Variants in ABCC3 observed in about 807,000 individuals in gnomAD.
ABCC3 encodes the protein ATP binding cassette subfamily C member 3.
A neutral mutation model predicts 165.3 loss-of-function variants in ABCC3; 121 were observed. The observed-to-expected ratio is 0.73, with a 90% confidence interval of 0.63 to 0.85. ABCC3 has a LOEUF of 0.85. Ranked by LOEUF, ABCC3 falls within the 40% of genes least tolerant of loss-of-function variation. ABCC3 has a pLI of 0.00. For synonymous variants in ABCC3, 733 were observed against 810.1 expected (o/e 0.90, Z 1.62); for missense variants, 1,869 against 1,964.1 (o/e 0.95, Z 0.92).
chr17:50,684,751 C>T lies in ABCC3; in HGVS notation c.4156C>T (p.Pro1386Ser). The change falls in exon 29 of 31, where the codon CCC becomes TCC. Residue 1386 changes from proline to serine, a missense_variant. Physicochemically the swap from Pro to Ser is moderately conservative, Grantham distance 74. Coordinates refer to ENST00000285238, the MANE Select transcript of ABCC3 (RefSeq NM_003786.4). ...GGGGACCCTGCGCATGAACCTGGACCCCTTCGGCAGCTACTCAGAGGAGGA... is the reference window on the plus strand; with the variant it reads ...GGGGACCCTGCGCATGAACCTGGACTCCTTCGGCAGCTACTCAGAGGAGGA... Reference protein sequence around the residue: ...FSGTLRMNLDPFGSYSEEDIW... With the variant: ...FSGTLRMNLDSFGSYSEEDIW... The T allele has an allele frequency of 1.2e-6, 2 of 1,614,144 alleles. No individual in the cohort carries two copies. Among genetic ancestry groups the T allele is most frequent in the Non-Finnish European group, 1.7e-6 (2 of 1,180,014 alleles).
chr17:50,639,463 G>T (rs2146585278), intron 1 of ABCC3, among the ~76,000 whole-genome samples: 1 of 152,286 alleles, frequency 6.6e-6, no homozygotes, highest in African/African-American at 2.4e-5. Flanking sequence ...ACAGGGAAAT[G>T]GTCTTGAAAC....
chr17:50,673,899 G>GTTTT (rs540824487), intron 19 of ABCC3, among the ~76,000 whole-genome samples: 1 of 129,180 alleles, frequency 7.7e-6, no homozygotes, highest in Admixed American at 7.6e-5. Context: ...CTCAGAGCCT[G>GTTTT]TTTTCTTTCT....
chr17:50,646,060 A>T (rs994234523), intron 1 of ABCC3, among the ~76,000 whole-genome samples: 1 of 152,230 alleles, frequency 6.6e-6, no homozygotes, highest in Non-Finnish European at 1.5e-5. Flanking sequence ...TAAATCAGTA[A>T]ATTATATATC....
intron 26 of ABCC3, among the ~76,000 whole-genome samples, chr17:50,681,266 C>A (rs1435555038): frequency 6.6e-6 from 1 of 152,144 alleles, no homozygotes; most frequent in Non-Finnish European, 1.5e-5. Context: ...TGCCTGACAC[C>A]TCCATAAAAA....
Position 50,673,081 on chromosome 17 carries a change from T to C in ABCC3, c.2352T>C (p.His784=), listed in dbSNP as rs373747748. ...LDDPLSAVDS[H]VAKHIFDHVI... is the part of the protein sequence containing the mutation. ...ACCCACTGTCCGCGGTGGACTCTCA[T>C]GTGGCCAAGCACATCTTTGACCACG... is the stretch of plus-strand genomic sequence containing the variant. Residue 784 remains histidine, a synonymous_variant, in exon 18 of 31, where the codon CAT becomes CAC. Transcript: ENST00000285238. 50 of 1,613,976 alleles carry C rather than the reference T, an allele frequency of 3.1e-5. No homozygotes were observed. Among genetic ancestry groups the C allele is most frequent in the South Asian group, 1.9e-4 (17 of 91,082 alleles).
At chr17:50,643,626 ATC>A (rs1966931335) in intron 1 of ABCC3, 1 of 456,186 alleles carries the variant, frequency 2.2e-6, no homozygotes, top group Admixed American at 2.3e-5. Context: ...AGGGAAGGGG[ATC>A]TCTCTAGGAG....
intron 1 of ABCC3, among the ~76,000 whole-genome samples, chr17:50,653,789 C>T (rs1440130549): frequency 6.6e-6 from 1 of 151,412 alleles, no homozygotes; most frequent in Admixed American, 6.6e-5. Flanking sequence ...CCAGTAAAGG[C>T]TCAAAGAACT....
intron 1 of ABCC3, among the ~76,000 whole-genome samples, chr17:50,641,095 G>T (rs1032710902): frequency 2.6e-5 from 4 of 152,150 alleles, no homozygotes; most frequent in African/African-American, 9.7e-5. Flanking sequence ...GAGGGCTCCG[G>T]GGTCCTCACC....
Position 50,675,417 on chromosome 17 carries a change from C to G in ABCC3, c.2655C>G (p.Asn885Lys). 1.2e-6 allele frequency: 2 copies of G among 1,614,070 alleles called. No homozygotes were observed. Among genetic ancestry groups the G allele is most frequent in the Non-Finnish European group, 1.7e-6 (2 of 1,179,994 alleles). ...TGCTGATTGAAGACACACTCAGCAA[C>G]CACACGGATCTGACAGACAATGATC... ...EALLIEDTLS[N>K]HTDLTDNDPV... is the part of the protein sequence containing the mutation. Residue 885 changes from asparagine (N) to lysine (K), a missense_variant, in exon 20 of 31, where the codon AAC becomes AAG. By Grantham distance (94) the Asn-to-Lys change is moderately conservative. Transcript: ENST00000285238.
In ABCC3 at chr17:50,669,365, A is replaced by C; in HGVS notation, c.2078A>C (p.Tyr693Ser). 6.2e-7 allele frequency: 1 copy of C among 1,614,234 alleles called. No homozygotes were observed. The highest frequency in any genetic ancestry group is 8.5e-7 in the Non-Finnish European group (1 of 1,180,034). The change falls in exon 17 of 31, where the codon TAT becomes TCT. Residue 693 changes from tyrosine to serine, a missense_variant. By Grantham distance (144) the Tyr-to-Ser change is moderately radical. Transcript: ENST00000285238. ...GKVHMKGSVA[Y>S]VPQQAWIQNC... ...TCCTGTGGCCAGGGCTCCGTGGCCT[A>C]TGTGCCCCAGCAGGCATGGATCCAG... is the stretch of plus-strand genomic sequence containing the variant.
intron 6 of ABCC3, 86 bp from the exon 7 acceptor site, chr17:50,659,151 G>A (rs1202340703): frequency 6.6e-7 from 1 of 1,524,840 alleles, no homozygotes; most frequent in African/African-American, 1.4e-5. Flanking sequence ...GGAGACCCTG[G>A]GGCCCTGGAG....
At position 50,676,381 on chromosome 17, in the gene ABCC3, G is replaced by A. The variant is rs1163210497; in HGVS notation, c.3171G>A (p.Gln1057=). The A allele has an allele frequency of 1.7e-5, 28 of 1,614,210 alleles. No homozygotes were observed. Among genetic ancestry groups the A allele is most frequent in the Non-Finnish European group, 2.2e-5 (26 of 1,180,030 alleles). The stretch of plus-strand genomic sequence containing the variant: ...TGCACAACAAGATACGCTCGCCACA[G>A]TCCTTCTTTGACACCACACCATCAG... ...ALLHNKIRSP[Q]SFFDTTPSGR... is the part of the protein sequence containing the mutation. Residue 1057 remains glutamine, a synonymous_variant, in exon 23 of 31, where the codon CAG becomes CAA. Coordinates refer to ENST00000285238, the MANE Select transcript of ABCC3 (RefSeq NM_003786.4).
chr17:50,677,187 G>A lies in ABCC3; in HGVS notation c.3379-557G>A, dbSNP rs1967838927. ...GGGAACCACCATACCCGGCCTTCCT[G>A]TTGGCTGTTTTTTGATAAAACATTG... On this transcript the variant is annotated intron_variant, in intron 23 of 30. Coordinates refer to ENST00000285238, the MANE Select transcript of ABCC3 (RefSeq NM_003786.4). Among the ~76,000 whole-genome samples, 3 of 152,226 alleles carry A rather than the reference G, an allele frequency of 2.0e-5. No individual in the cohort carries two copies. In the South Asian group the frequency reaches 6.2e-4, roughly 32 times the overall value.
chr17:50,653,476 C>T (rs909848164), intron 1 of ABCC3, among the ~76,000 whole-genome samples: 20 of 151,654 alleles, frequency 1.3e-4, no homozygotes, highest in Admixed American at 9.9e-4. Flanking sequence ...CTCGGCTGGG[C>T]GTGGTGGCTC....
intron 18 of ABCC3, 47 bp downstream of exon 18, chr17:50,673,185 C>G: frequency 4.4e-6 from 7 of 1,605,000 alleles, no homozygotes; most frequent in Non-Finnish European, 5.9e-6. Context: ...ATCTGAGGCC[C>G]GAAGAGAGAG....
intron 26 of ABCC3, among the ~76,000 whole-genome samples, chr17:50,681,872 C>A (rs751614100): frequency 9.7e-4 from 148 of 152,270 alleles, no homozygotes; most frequent in Admixed American, 2.1e-3. Flanking sequence ...CTGCCTGACC[C>A]CAGCCTGGCT....
intron 1 of ABCC3, among the ~76,000 whole-genome samples, chr17:50,653,579 C>T (rs1003105699): frequency 5.3e-5 from 8 of 149,716 alleles, no homozygotes; most frequent in Non-Finnish European, 1.0e-4. Flanking sequence ...GATGAAACCC[C>T]ATTTCTACTA....
In ABCC3 at chr17:50,683,607, C is replaced by T; in HGVS notation, c.3808-3C>T. 1.3e-6 allele frequency: 2 copies of T among 1,554,350 alleles called. No homozygotes were observed. The highest frequency in any genetic ancestry group is 1.7e-6 in the Non-Finnish European group (2 of 1,151,466). On this transcript the variant is annotated splice_polypyrimidine_tract_variant and splice_region_variant and intron_variant, in intron 26 of 30. Transcript: ENST00000285238. ...ATGTGACCCCATCTGCCCCTCCTGC[C>T]AGGCGCCCTGGGTGGTGGAAGGCAG... is the stretch of plus-strand genomic sequence containing the variant.
intron 17 of ABCC3, among the ~76,000 whole-genome samples, chr17:50,670,100 T>A (rs1967615404): frequency 6.6e-6 from 1 of 151,528 alleles, no homozygotes; most frequent in African/African-American, 2.4e-5. Context: ...TTTTTTTTTT[T>A]AGACAGAGCC....
Sources: gnomAD v4.1 joint callset for allele counts (sites outside exome capture counted in the v4.1 genomes callset) on GRCh38, gnomAD v4.1.1 for gene constraint, MANE v1.5 for transcripts, NCBI Gene and HGNC (gene_info 2026-07-23, HGNC 2026-07-21) for gene names.